The following DNAH14 variants were observed in gnomAD, a reference collection of about 807,000 sequenced individuals.
DNAH14 encodes the protein dynein axonemal heavy chain 14, also known as axonemal beta dynein heavy chain 14.
Under a neutral mutation model 520.9 loss-of-function variants are expected in DNAH14, and 478 were observed. The ratio of observed to expected loss-of-function variants is 0.92; its 90% confidence interval spans 0.85 to 0.99. The LOEUF is 0.99. Ranked by LOEUF, DNAH14 falls within the 50% of genes least tolerant of loss-of-function variation. The pLI, the probability that DNAH14 is intolerant of heterozygous loss-of-function variation, is 0.00. For synonymous variants in DNAH14, 1,581 were observed against 1,757.2 expected, an observed-to-expected ratio of 0.90 and a Z score of 2.51; for missense variants, 4,831 against 5,234.5, an observed-to-expected ratio of 0.92 and a Z score of 2.38.
chr1:225,335,108 TAC>T (rs991627468), intron 66 of DNAH14, among the ~76,000 whole-genome samples: 1 of 148,332 alleles, frequency 6.7e-6, no homozygotes, highest in Non-Finnish European at 1.5e-5. Flanking sequence ...TATGTATATA[TAC>T]ATATATACAT....
At chr1:225,171,085 C>T (rs1017470049) in intron 36 of DNAH14, among the ~76,000 whole-genome samples, 4 of 152,164 alleles carry the variant, frequency 2.6e-5, no homozygotes, top group African/African-American at 7.2e-5. Context: ...AACAAAGACA[C>T]AGCATACCAG....
chr1:225,270,721 T>C lies in DNAH14; in HGVS notation c.7540-14T>C. The C allele has an allele frequency of 1.3e-6, 2 of 1,549,590 alleles. No homozygotes were observed. Among genetic ancestry groups the C allele is most frequent in the Non-Finnish European group, 1.7e-6 (2 of 1,145,810 alleles). On this transcript the variant is annotated splice_polypyrimidine_tract_variant and intron_variant, in intron 49 of 85. Coordinates refer to ENST00000682510, the MANE Select transcript of DNAH14 (RefSeq NM_001367479.1). Reference sequence around the variant, plus strand: ...GATACATTCAGTTACTCTTCCTTTTTATCCTTATCACAGAATATTCAAGAT... The same window carrying C: ...GATACATTCAGTTACTCTTCCTTTTCATCCTTATCACAGAATATTCAAGAT...
At chr1:225,325,978 G>GA (rs1337011955) in intron 64 of DNAH14, among the ~76,000 whole-genome samples, 3 of 151,986 alleles carry the variant, frequency 2.0e-5, no homozygotes, top group Admixed American at 6.6e-5. Flanking sequence ...ATTTTTGAAA[G>GA]AAAAAAACAA....
intron 27 of DNAH14, among the ~76,000 whole-genome samples, chr1:225,137,960 C>G (rs1252829170): frequency 6.6e-6 from 1 of 152,158 alleles, no homozygotes; most frequent in Non-Finnish European, 1.5e-5. Context: ...ACTGGAGACC[C>G]CCCTAGTGAG....
chr1:225,239,502 G>A lies in DNAH14; in HGVS notation c.6519-1091G>A, dbSNP rs559788139. On this transcript the variant is annotated intron_variant, in intron 42 of 85. Transcript: ENST00000682510. Reference sequence around the variant, plus strand: ...TGCTTTTCTTCATTCTCCATGGGTCGAGTTGTTTGCCTAGTCAGTCCCAGT... The same window carrying A: ...TGCTTTTCTTCATTCTCCATGGGTCAAGTTGTTTGCCTAGTCAGTCCCAGT... 5.3e-5 allele frequency among the ~76,000 whole-genome samples: 8 copies of A among 152,264 alleles called. No individual in the cohort carries two copies. In the South Asian group the frequency reaches 8.3e-4, roughly 16 times the overall value.
chr1:225,374,609 T>C (rs1575090394), intron 77 of DNAH14, 79 bp from the exon 78 acceptor site: 2 of 1,252,178 alleles, frequency 1.6e-6, no homozygotes, highest in East Asian at 5.1e-5. Flanking sequence ...TGTTTGAGAG[T>C]TGATTTTATG....
intron 1 of DNAH14, among the ~76,000 whole-genome samples, chr1:224,945,693 A>C (rs1421263749): frequency 3.9e-5 from 6 of 152,360 alleles, no homozygotes; most frequent in Non-Finnish European, 8.8e-5. Flanking sequence ...TCTGTTTGTT[A>C]GTTTTCCTTC....
At chr1:225,278,515 A>G (rs1185880239) in intron 54 of DNAH14, among the ~76,000 whole-genome samples, 1 of 152,078 alleles carries the variant, frequency 6.6e-6, no homozygotes, top group African/African-American at 2.4e-5. Context: ...CTCAGTCCCT[A>G]TTAGTCTGTC....
chr1:224,956,700 T>A (rs1002077083), intron 3 of DNAH14, among the ~76,000 whole-genome samples: 1 of 152,254 alleles, frequency 6.6e-6, no homozygotes, highest in East Asian at 1.9e-4. Flanking sequence ...TAGGTACACC[T>A]TTAGTTGTCT....
chr1:225,033,233 C>A (rs1572594683), intron 11 of DNAH14, among the ~76,000 whole-genome samples: 2 of 152,246 alleles, frequency 1.3e-5, no homozygotes, highest in East Asian at 3.9e-4. Flanking sequence ...AGTCTTTAAT[C>A]CATCTTGAAT....
chr1:225,090,744 C>T (rs901596490), intron 21 of DNAH14, among the ~76,000 whole-genome samples: 2 of 152,070 alleles, frequency 1.3e-5, no homozygotes, highest in African/African-American at 4.8e-5. Context: ...GGATTATGGA[C>T]CTAAATGCAA....
intron 41 of DNAH14, among the ~76,000 whole-genome samples, chr1:225,208,372 C>A (rs2087874182): frequency 1.3e-5 from 2 of 152,006 alleles, no homozygotes; most frequent in Non-Finnish European, 2.9e-5. Context: ...GGGTTGAATG[C>A]TGGATTGGTT....
intron 20 of DNAH14, among the ~76,000 whole-genome samples, chr1:225,084,693 A>T (rs560937326): frequency 6.6e-6 from 1 of 151,894 alleles, no homozygotes; most frequent in Admixed American, 6.6e-5. Flanking sequence ...AACTACAATC[A>T]TCAAGATTCA....
At chr1:224,976,507 A>T (rs576914716) in intron 8 of DNAH14, among the ~76,000 whole-genome samples, 4 of 152,222 alleles carry the variant, frequency 2.6e-5, no homozygotes, top group African/African-American at 9.6e-5. Context: ...TAAACTAAAG[A>T]GCTTCTGCAC....
At chr1:225,290,295 A>G (rs2093838181) in intron 55 of DNAH14, among the ~76,000 whole-genome samples, 1 of 152,048 alleles carries the variant, frequency 6.6e-6, no homozygotes, top group Non-Finnish European at 1.5e-5. Flanking sequence ...GTAGTTATGA[A>G]TAAATATTTC....
chr1:225,268,584 G>A (rs950093501), intron 49 of DNAH14, among the ~76,000 whole-genome samples: 7 of 152,254 alleles, frequency 4.6e-5, no homozygotes, highest in African/African-American at 1.2e-4. Context: ...AAACCCCATC[G>A]TCTCAGCCCA....
At position 225,290,719 on chromosome 1, in the gene DNAH14, A is replaced by G. The variant is rs989403297; in HGVS notation, c.8469+637A>G. ...TTTCCTCCAAGTCTGTGGCTTGTCT[A>G]TTTTCTTTTCAAATTAAATTCAATT... is the stretch of plus-strand genomic sequence containing the variant. On this transcript the variant is annotated intron_variant, in intron 55 of 85. Transcript: ENST00000682510. 3.5e-5 allele frequency among the ~76,000 whole-genome samples: 4 copies of G among 115,584 alleles called. No homozygotes were observed. The Admixed American group carries it at 3.9e-4, about 11-fold the overall frequency. The allele number at this position is 115,584 out of a possible 152,430, so 75.8% of individuals were successfully genotyped here.
intron 38 of DNAH14, among the ~76,000 whole-genome samples, chr1:225,203,233 C>A (rs1436321893): frequency 6.6e-6 from 1 of 152,168 alleles, no homozygotes; most frequent in Non-Finnish European, 1.5e-5. Flanking sequence ...CTGCCATGTT[C>A]TCTGCAAGTC....
At chr1:225,391,025 C>T (rs936276505) in intron 83 of DNAH14, among the ~76,000 whole-genome samples, 5 of 152,084 alleles carry the variant, frequency 3.3e-5, no homozygotes, top group Non-Finnish European at 7.4e-5. Flanking sequence ...CTGGACTAAG[C>T]GGGGACAGCA....
Sources: gnomAD v4.1 joint callset for allele counts (sites outside exome capture counted in the v4.1 genomes callset) on GRCh38, gnomAD v4.1.1 for gene constraint, MANE v1.5 for transcripts, NCBI Gene and HGNC (gene_info 2026-07-23, HGNC 2026-07-21) for gene names.